The following OPA3 variants were observed in gnomAD, a reference collection of about 807,000 sequenced individuals.
OPA3 encodes outer mitochondrial membrane lipid metabolism regulator OPA3.
OPA3 carries 6 observed loss-of-function variants against 4.0 expected under a neutral mutation model. That is an observed-to-expected ratio of 1.51 (90% confidence interval 0.83 to 2.99). The LOEUF is 2.99. Among genes scored for constraint, OPA3 ranks in the 30% most tolerant of loss-of-function variants. The pLI, the probability that OPA3 is intolerant of heterozygous loss-of-function variation, is 0.00. For missense variants in OPA3, 235 were observed against 256.2 expected (o/e 0.92, Z 0.56); for synonymous variants, 105 against 117.1 (o/e 0.90, Z 0.67).
intron 1 of OPA3, among the ~76,000 whole-genome samples, 163 bp from the exon 2 acceptor site, chr19:45,554,074 G>A (rs964960662): frequency 6.6e-6 from 1 of 152,172 alleles, no homozygotes; most frequent in Non-Finnish European, 1.5e-5. Context: ...TGCCCCAGAA[G>A]GGAGGTCCTC....
intron 1 of OPA3, among the ~76,000 whole-genome samples, chr19:45,572,306 A>T (rs6509223): frequency 8.8e-6 from 1 of 114,126 alleles, no homozygotes; most frequent in African/African-American, 3.1e-5. Context: ...TCTCATATAT[A>T]TCGACATATA....
Position 45,553,063 on chromosome 19 carries a change from C to A in OPA3, c.*451G>T. ...AGGGGGAGAAAAGGCCACTGCAACA[C>A]ACTGCATTTCCTTACAGTGGTCTGT... On this transcript the variant is annotated 3_prime_UTR_variant, in exon 2 of 2. Transcript: ENST00000263275. 1 of 1,057,288 alleles carries A rather than the reference C, an allele frequency of 9.5e-7. No individual in the cohort carries two copies. The highest frequency in any genetic ancestry group is 3.1e-5 in the South Asian group (1 of 32,658). 65.5% of individuals were successfully genotyped at this position (1,057,288 alleles called of 1,614,324 possible). A position where few individuals can be genotyped will look rare whatever the true frequency, so the allele number is the denominator to read the frequency against.
chr19:45,554,826 C>G (rs1033202751), intron 1 of OPA3, among the ~76,000 whole-genome samples: 1 of 152,370 alleles, frequency 6.6e-6, no homozygotes, highest in Admixed American at 6.5e-5. Flanking sequence ...GAGTCTCACT[C>G]TGTTGCCAGG....
At chr19:45,570,020 G>C (rs146799660) in intron 1 of OPA3, among the ~76,000 whole-genome samples, 285 of 152,240 alleles carry the variant, frequency 1.9e-3, no homozygotes, top group African/African-American at 6.3e-3. Flanking sequence ...GAGATACACC[G>C]GGGTCAATGA....
chr19:45,553,077 ACAGTGGTCTGTGCCGATTG>A lies in OPA3; in HGVS notation c.*418_*436del. On this transcript the variant is annotated 3_prime_UTR_variant, in exon 2 of 2. Coordinates refer to ENST00000263275, the MANE Select transcript of OPA3 (RefSeq NM_025136.4). ...CCACTGCAACACACTGCATTTCCTT[ACAGTGGTCTGTGCCGATTG>A]ACAAAAAGAAGAAGGTGTTCCAGTG... 1 of 1,087,538 alleles carries A rather than the reference ACAGTGGTCTGTGCCGATTG, an allele frequency of 9.2e-7. No individual in the cohort carries two copies. The highest frequency in any genetic ancestry group is 4.8e-5 in the Admixed American group (1 of 20,676). The allele number at this position is 1,087,538 out of a possible 1,614,324, so 67.4% of individuals were successfully genotyped here. A position where few individuals can be genotyped will look rare whatever the true frequency, so the allele number is the denominator to read the frequency against.
chr19:45,530,647 C>T (rs543304309), intron 1 of OPA3, among the ~76,000 whole-genome samples: 2 of 152,148 alleles, frequency 1.3e-5, no homozygotes, highest in East Asian at 1.9e-4. Flanking sequence ...TTACTAGAGA[C>T]GGGTTTTCAC....
chr19:45,572,451 T>C (rs1201916196), intron 1 of OPA3, among the ~76,000 whole-genome samples: 1 of 134,022 alleles, frequency 7.5e-6, no homozygotes, highest in Non-Finnish European at 1.6e-5. Flanking sequence ...TATCAATATA[T>C]GATATATATC....
chr19:45,550,343 C>T lies in OPA3; in HGVS notation c.*3171G>A. On this transcript the variant is annotated 3_prime_UTR_variant, in exon 2 of 2. Coordinates refer to ENST00000263275, the MANE Select transcript of OPA3 (RefSeq NM_025136.4). ...ACCTGCAGCTTCCCAAAAGCGGGCC[C>T]AGGTGGAATGGTCACCCAGTTTACA... 3 of 985,458 alleles carry T rather than the reference C, an allele frequency of 3.0e-6. No homozygotes were observed. The highest frequency in any genetic ancestry group is 3.6e-6 in the Non-Finnish European group (3 of 830,000). The allele number at this position is 985,458 out of a possible 1,614,324, so 61.0% of individuals were successfully genotyped here.
chr19:45,564,472 C>T (rs556164474), intron 1 of OPA3, among the ~76,000 whole-genome samples: 1 of 152,256 alleles, frequency 6.6e-6, no homozygotes, highest in East Asian at 1.9e-4. Flanking sequence ...GGGGCAAGTG[C>T]CACACTGAAA....
In OPA3 at chr19:45,584,614, C is replaced by G. The variant is rs762092797; in HGVS notation, c.142+9G>C. Reference sequence around the variant, plus strand: ...GAAAAAGGTTGGAGGGAATTCGGGTCAGACTCACGTTGAGCCGGCGGGAGG... The same window carrying G: ...GAAAAAGGTTGGAGGGAATTCGGGTGAGACTCACGTTGAGCCGGCGGGAGG... On this transcript the variant is annotated intron_variant, in intron 1 of 1. Transcript: ENST00000263275. The G allele has an allele frequency of 6.2e-7, 1 of 1,614,206 alleles. No individual in the cohort carries two copies. The highest frequency in any genetic ancestry group is 8.5e-7 in the Non-Finnish European group (1 of 1,180,024).
chr19:45,555,799 AT>A (rs967844599), intron 1 of OPA3, among the ~76,000 whole-genome samples: 1 of 151,304 alleles, frequency 6.6e-6, no homozygotes, highest in East Asian at 1.9e-4. Flanking sequence ...TCATTTTTGT[AT>A]TTTTTTTAAA....
chr19:45,572,560 G>GATATATATCATGATATATGTATATAA (rs1568409229), intron 1 of OPA3, among the ~76,000 whole-genome samples: 6 of 99,144 alleles, frequency 6.1e-5, no homozygotes, highest in Non-Finnish European at 1.3e-4. Flanking sequence ...ATCATATATG[G>GATATATATCATGATATATGTATATAA]ATATATATCA....
At chr19:45,565,079 A>T (rs1372546036) in intron 1 of OPA3, among the ~76,000 whole-genome samples, 1 of 151,384 alleles carries the variant, frequency 6.6e-6, no homozygotes, top group Non-Finnish European at 1.5e-5. Flanking sequence ...AAAGAAAAAA[A>T]AAAAATTAGC....
In OPA3 at chr19:45,580,144, G is replaced by A. The variant is rs368493462; in HGVS notation, c.142+4479C>T. 1.1e-3 allele frequency among the ~76,000 whole-genome samples: 165 copies of A among 148,430 alleles called. 1 individual carries two copies. Among genetic ancestry groups the A allele is most frequent in the Middle Eastern group, 4.0e-3 (1 of 250 alleles). On this transcript the variant is annotated intron_variant, in intron 1 of 1. Transcript: ENST00000263275. ...CCCGAGTAGCTGGGATTACAGGCGC[G>A]TGCCACCACGCCCAGCTAATTTTTG...
chr19:45,562,678 T>G (rs1482676255), intron 1 of OPA3, among the ~76,000 whole-genome samples: 1 of 152,172 alleles, frequency 6.6e-6, no homozygotes, highest in Non-Finnish European at 1.5e-5. Flanking sequence ...ACAGCGAGAC[T>G]CAGTCTCAAA....
intron 1 of OPA3, among the ~76,000 whole-genome samples, chr19:45,533,288 G>C (rs1431234970): frequency 6.8e-6 from 1 of 146,860 alleles, no homozygotes; most frequent in Non-Finnish European, 1.5e-5. Flanking sequence ...TCCGCCTCCT[G>C]GGTTCAAGCC....
At chr19:45,541,110 C>T (rs1441029287) in intron 1 of OPA3, among the ~76,000 whole-genome samples, 3 of 152,162 alleles carry the variant, frequency 2.0e-5, no homozygotes, top group Non-Finnish European at 4.4e-5. Context: ...ACTGTTCTCC[C>T]ACAACCAGAA....
chr19:45,530,926 ACT>A (rs1969052916), intron 1 of OPA3, among the ~76,000 whole-genome samples: 1 of 49,604 alleles, frequency 2.0e-5, no homozygotes, highest in Non-Finnish European at 3.9e-5. Context: ...CATGTCACCT[ACT>A]TTTTTTTTTT....
chr19:45,542,267 T>TAGA (rs1555731376), downstream of OPA3, among the ~76,000 whole-genome samples: 1 of 151,626 alleles, frequency 6.6e-6, no homozygotes, highest in Non-Finnish European at 1.5e-5. Flanking sequence ...AATGACTGTG[T>TAGA]GGAGGAGGGC....
Sources: gnomAD v4.1 joint callset for allele counts (sites outside exome capture counted in the v4.1 genomes callset) on GRCh38, gnomAD v4.1.1 for gene constraint, MANE v1.5 for transcripts, NCBI Gene and HGNC (gene_info 2026-07-23, HGNC 2026-07-21) for gene names.